The following STK32B variants were observed in gnomAD, a reference collection of about 807,000 sequenced individuals.
The protein encoded by STK32B is serine/threonine kinase 32B.
Under a neutral mutation model 52.6 loss-of-function variants are expected in STK32B, and 43 were observed. The ratio of observed to expected loss-of-function variants is 0.82; its 90% CI spans 0.64 to 1.05. The LOEUF is 1.05. STK32B is among the 50% of genes least tolerant of loss of function. The pLI, the probability that STK32B is intolerant of heterozygous loss-of-function variation, is 0.00. For missense variants in STK32B, 621 were observed against 534.6 expected (o/e 1.16, Z -1.59); for synonymous variants, 238 against 204.3 (o/e 1.17, Z -1.41).
intron 3 of STK32B, among the ~76,000 whole-genome samples, chr4:5,233,246 T>C (rs946877916): frequency 4.6e-5 from 7 of 152,148 alleles, no homozygotes; most frequent in Admixed American, 1.3e-4. Context: ...CACTGACTTA[T>C]GCTAAGGCAA....
In STK32B at chr4:5,119,001, T is replaced by C. The variant is rs558942255; in HGVS notation, c.53-20904T>C. On this transcript the variant is annotated intron_variant, in intron 1 of 11. Coordinates refer to ENST00000282908, the MANE Select transcript of STK32B (RefSeq NM_018401.3). ...AGCCTTTTTGGACGTTTTGTTTTCC[T>C]AATTTTCTTCCCTACCTACCATAAA... 3.9e-5 allele frequency among the ~76,000 whole-genome samples: 6 copies of C among 152,356 alleles called. No homozygotes were observed. The South Asian group carries it at 1.2e-3, about 32-fold the overall frequency.
chr4:5,059,945 G>A (rs1301795007), intron 1 of STK32B, among the ~76,000 whole-genome samples: 1 of 152,066 alleles, frequency 6.6e-6, no homozygotes, highest in Non-Finnish European at 1.5e-5. Context: ...CCAAACTTTG[G>A]GAGAGTTTGT....
chr4:5,447,905 C>T (rs1017143071), intron 7 of STK32B, among the ~76,000 whole-genome samples: 2 of 152,254 alleles, frequency 1.3e-5, no homozygotes, highest in African/African-American at 2.4e-5. Context: ...GAGCCAGATT[C>T]TCCCACAGGC....
At position 5,482,728 on chromosome 4, in the gene STK32B, A is replaced by G. The variant is rs188744202; in HGVS notation, c.1106+14658A>G. ...GTATGATATTGGCTGTGGGTTTGTC[A>G]TAGATAGCTCTTATTATTTTGAGAT... On this transcript the variant is annotated intron_variant, in intron 11 of 11. Transcript: ENST00000282908. 8.3e-3 allele frequency among the ~76,000 whole-genome samples: 1,271 copies of G among 152,284 alleles called. 1 individual carries two copies. Among genetic ancestry groups the G allele is most frequent in the African/African-American group, 0.029 (1,209 of 41,560 alleles).
intron 3 of STK32B, among the ~76,000 whole-genome samples, chr4:5,211,755 G>A (rs1339230847): frequency 6.6e-6 from 1 of 152,158 alleles, no homozygotes; most frequent in African/African-American, 2.4e-5. Context: ...AAACAATCTT[G>A]CTTCACAGAG....
the STK32B span, among the ~76,000 whole-genome samples, chr4:5,032,136 G>A: frequency 6.7e-6 from 1 of 150,194 alleles, no homozygotes; most frequent in South Asian, 2.1e-4. Flanking sequence ...TAGAACTTGA[G>A]ACTAGTAGCC....
the STK32B span, among the ~76,000 whole-genome samples, chr4:5,028,660 C>T: frequency 4.6e-5 from 7 of 152,224 alleles, no homozygotes; most frequent in East Asian, 9.7e-4. Context: ...CCTCAAACTG[C>T]GGTGGAGAAG....
intron 4 of STK32B, among the ~76,000 whole-genome samples, chr4:5,383,419 C>T (rs975256830): frequency 3.0e-4 from 45 of 152,184 alleles, no homozygotes; most frequent in African/African-American, 1.1e-3. Flanking sequence ...TTTAATGAGG[C>T]TATGCCTATG....
chr4:5,228,837 G>A (rs1017393421), intron 3 of STK32B, among the ~76,000 whole-genome samples: 1 of 152,066 alleles, frequency 6.6e-6, no homozygotes, highest in East Asian at 1.9e-4. Context: ...CATGGTGGTG[G>A]GTGCCTGTAA....
intron 4 of STK32B, among the ~76,000 whole-genome samples, chr4:5,358,315 T>A (rs1734310307): frequency 6.6e-6 from 1 of 152,134 alleles, no homozygotes; most frequent in Non-Finnish European, 1.5e-5. Flanking sequence ...TTTAAAAGGA[T>A]CCAATAAATT....
At chr4:5,090,952 T>C (rs1713048471) in intron 1 of STK32B, among the ~76,000 whole-genome samples, 1 of 152,196 alleles carries the variant, frequency 6.6e-6, no homozygotes, top group African/African-American at 2.4e-5. Context: ...GATAGACTTA[T>C]AACAAGTAAA....
intron 3 of STK32B, among the ~76,000 whole-genome samples, chr4:5,317,014 AATATATAATATATATG>A (rs1449294287): frequency 7.0e-4 from 18 of 25,610 alleles, no homozygotes; most frequent in Non-Finnish European, 9.1e-4. Context: ...TAATATATAT[AATATATAATATATATG>A]ATATAATATA....
intron 11 of STK32B, among the ~76,000 whole-genome samples, chr4:5,485,690 GCT>G (rs1488442630): frequency 3.3e-5 from 5 of 152,114 alleles, no homozygotes; most frequent in African/African-American, 9.7e-5. Flanking sequence ...TAGTTTTTCT[GCT>G]CTGTTTTTTC....
chr4:5,455,605 G>A (rs948239202), intron 7 of STK32B, among the ~76,000 whole-genome samples: 7 of 152,116 alleles, frequency 4.6e-5, no homozygotes, highest in Non-Finnish European at 7.4e-5. Context: ...GTGTGTACCT[G>A]GAAACCCCAA....
At chr4:5,496,595 T>G (rs937012027) in intron 11 of STK32B, among the ~76,000 whole-genome samples, 1 of 150,928 alleles carries the variant, frequency 6.6e-6, no homozygotes, top group African/African-American at 2.5e-5. Context: ...CCTAGTGAGA[T>G]GAACCCGGTA....
At chr4:5,442,905 T>C (rs1460850728) in intron 6 of STK32B, among the ~76,000 whole-genome samples, 2 of 152,060 alleles carry the variant, frequency 1.3e-5, no homozygotes, top group African/African-American at 2.4e-5. Flanking sequence ...TTGAAAATTC[T>C]TTTCTTTAAG....
At chr4:5,148,540 T>G (rs1019824034) in intron 2 of STK32B, among the ~76,000 whole-genome samples, 2 of 151,832 alleles carry the variant, frequency 1.3e-5, no homozygotes, top group Non-Finnish European at 3.0e-5. Flanking sequence ...ATTTGGTCTT[T>G]GAAGCTTTTT....
At chr4:5,498,902 AC>A (rs1242264077) in intron 11 of STK32B, 42 bp from the exon 12 acceptor site, 1 of 1,570,396 alleles carries the variant, frequency 6.4e-7, no homozygotes, top group Non-Finnish European at 8.7e-7. Context: ...TGCCTCCACA[AC>A]CCCATGCCGC....
chr4:5,174,534 A>G (rs1216542574), intron 3 of STK32B, among the ~76,000 whole-genome samples: 2 of 152,128 alleles, frequency 1.3e-5, no homozygotes, highest in Non-Finnish European at 2.9e-5. Context: ...TTGTCTGTGA[A>G]TTATTTTATT....
Sources: gnomAD v4.1 joint callset for allele counts (sites outside exome capture counted in the v4.1 genomes callset) on GRCh38, gnomAD v4.1.1 for gene constraint, MANE v1.5 for transcripts, NCBI Gene and HGNC (gene_info 2026-07-23, HGNC 2026-07-21) for gene names.